Variants in SLCO6A1 observed in about 807,000 individuals in gnomAD.
SLCO6A1 encodes the protein solute carrier organic anion transporter family member 6A1.
In SLCO6A1, 65 loss-of-function variants were observed where a neutral mutation model predicts 72.7. That is an observed-to-expected ratio of 0.89 (90% CI 0.73 to 1.10). The LOEUF is 1.10. SLCO6A1 is among the 50% of genes least tolerant of loss of function. SLCO6A1 has a pLI of 0.00. For missense variants in SLCO6A1, 874 were observed against 872.6 expected (o/e 1.00, Z -0.02); for synonymous variants, 314 against 298.2 (o/e 1.05, Z -0.55).
intron 6 of SLCO6A1, among the ~76,000 whole-genome samples, chr5:102,444,538 A>G (rs1750007824): frequency 1.3e-5 from 2 of 152,214 alleles, no homozygotes; most frequent in South Asian, 4.1e-4. Context: ...AAAATAAGTA[A>G]TGGCTCATCA....
At chr5:102,383,114 T>TA (rs1269976560) in intron 12 of SLCO6A1, among the ~76,000 whole-genome samples, 1 of 61,846 alleles carries the variant, frequency 1.6e-5, no homozygotes, top group African/African-American at 5.8e-5. Context: ...ATATATAGTG[T>TA]TTTATATACA....
chr5:102,390,416 T>A (rs1161723043), intron 11 of SLCO6A1, among the ~76,000 whole-genome samples: 1 of 152,198 alleles, frequency 6.6e-6, no homozygotes, highest in Non-Finnish European at 1.5e-5. Context: ...TCTACATTTT[T>A]AAATTATATG....
Position 102,498,876 on chromosome 5 carries a change from C to T in SLCO6A1, c.-32G>A. The T allele has an allele frequency of 6.4e-7, 1 of 1,569,380 alleles. No individual in the cohort carries two copies. Among genetic ancestry groups the T allele is most frequent in the South Asian group, 1.1e-5 (1 of 87,398 alleles). ...CCCTGGGCGGCTCCTGGCGACGCGG[C>T]CCGAGTGCTCTCGGCTGCCCGTCCT... On this transcript the variant is annotated 5_prime_UTR_variant, in exon 1 of 14. Transcript: ENST00000506729.
At chr5:102,440,845 A>C (rs1749796092) in intron 6 of SLCO6A1, among the ~76,000 whole-genome samples, 1 of 152,246 alleles carries the variant, frequency 6.6e-6, no homozygotes, top group Non-Finnish European at 1.5e-5. Context: ...TAACAAGTAT[A>C]AAGTAGTACC....
At chr5:102,380,338 G>T (rs983714674) in intron 12 of SLCO6A1, among the ~76,000 whole-genome samples, 1 of 152,014 alleles carries the variant, frequency 6.6e-6, no homozygotes, top group Non-Finnish European at 1.5e-5. Flanking sequence ...TCCTTCATTT[G>T]AGGTAAAAGC....
At chr5:102,400,382 T>A (rs1747331288) in intron 9 of SLCO6A1, among the ~76,000 whole-genome samples, 1 of 151,974 alleles carries the variant, frequency 6.6e-6, no homozygotes, top group South Asian at 2.1e-4. Flanking sequence ...GTGGTGTAGA[T>A]AAAATAATTT....
intron 1 of SLCO6A1, among the ~76,000 whole-genome samples, chr5:102,481,703 G>T (rs1561497496): frequency 6.6e-6 from 1 of 152,128 alleles, no homozygotes; most frequent in East Asian, 1.9e-4. Flanking sequence ...TCATGCTTCT[G>T]CCTAATGTAT....
chr5:102,442,221 A>C (rs1749872869), intron 6 of SLCO6A1, among the ~76,000 whole-genome samples: 1 of 152,168 alleles, frequency 6.6e-6, no homozygotes, highest in Non-Finnish European at 1.5e-5. Context: ...ATATTACACT[A>C]GGCAGATTTC....
chr5:102,440,381 T>C (rs1327616708), intron 6 of SLCO6A1, among the ~76,000 whole-genome samples: 4 of 152,096 alleles, frequency 2.6e-5, no homozygotes, highest in Non-Finnish European at 5.9e-5. Flanking sequence ...GAACTGCACA[T>C]GTGAGGGATT....
chr5:102,438,583 A>C (rs775900674), intron 7 of SLCO6A1, 34 bp downstream of exon 7: 1 of 1,558,324 alleles, frequency 6.4e-7, no homozygotes, highest in Non-Finnish European at 8.6e-7. Context: ...GACAGTGCAA[A>C]ATTTTTGAAA....
intron 6 of SLCO6A1, among the ~76,000 whole-genome samples, chr5:102,444,022 G>A (rs1225013766): frequency 6.6e-6 from 1 of 152,110 alleles, no homozygotes; most frequent in Non-Finnish European, 1.5e-5. Context: ...CACACGAGAA[G>A]GGGTTCATTC....
chr5:102,449,925 C>A (rs1218918590), intron 6 of SLCO6A1, among the ~76,000 whole-genome samples: 1 of 152,076 alleles, frequency 6.6e-6, no homozygotes, highest in African/African-American at 2.4e-5. Flanking sequence ...TTTCCTCAAC[C>A]GATAATACTC....
intron 10 of SLCO6A1, among the ~76,000 whole-genome samples, chr5:102,392,566 A>G (rs1263168901): frequency 6.6e-6 from 1 of 152,116 alleles, no homozygotes; most frequent in African/African-American, 2.4e-5. Flanking sequence ...TCTTTCTAAC[A>G]TACAAAACAA....
chr5:102,417,220 A>C (rs941541208), intron 8 of SLCO6A1, among the ~76,000 whole-genome samples: 9 of 151,692 alleles, frequency 5.9e-5, no homozygotes, highest in Non-Finnish European at 8.8e-5. Flanking sequence ...TGCTTAATAT[A>C]CTACTATCTA....
chr5:102,375,000 C>G (rs997495359), intron 12 of SLCO6A1, among the ~76,000 whole-genome samples: 1 of 152,032 alleles, frequency 6.6e-6, no homozygotes. Flanking sequence ...GGTGATCCGA[C>G]TTTTGCAACA....
At chr5:102,374,458 C>A (rs116278366) in intron 12 of SLCO6A1, among the ~76,000 whole-genome samples, 2 of 152,114 alleles carry the variant, frequency 1.3e-5, no homozygotes, top group African/African-American at 2.4e-5. Context: ...TGACACCACA[C>A]CTGGCTAATT....
At chr5:102,378,258 T>C (rs1745917600) in intron 12 of SLCO6A1, among the ~76,000 whole-genome samples, 1 of 152,112 alleles carries the variant, frequency 6.6e-6, no homozygotes, top group Admixed American at 6.6e-5. Flanking sequence ...TTCATGTCCT[T>C]TGTAGGGACA....
In SLCO6A1 at chr5:102,495,668, C is replaced by T. The variant is rs1056107347; in HGVS notation, c.358+2819G>A. ...AATTGATTGCACTGTGGTTTCATGTCTGTACATATTTACTAAAACTCATTG... is the reference window on the plus strand; with the variant it reads ...AATTGATTGCACTGTGGTTTCATGTTTGTACATATTTACTAAAACTCATTG... On this transcript the variant is annotated intron_variant, in intron 1 of 13. Transcript: ENST00000506729. Among the ~76,000 whole-genome samples, 104 of 151,938 alleles carry T rather than the reference C, an allele frequency of 6.8e-4. 2 individuals are homozygous for T. The highest frequency in any genetic ancestry group is 8.8e-5 in the Non-Finnish European group (6 of 67,976).
chr5:102,480,072 G>T, intron 2 of SLCO6A1, 105 bp downstream of exon 2: 2 of 1,090,182 alleles, frequency 1.8e-6, no homozygotes, highest in Non-Finnish European at 1.3e-6. Context: ...TGGATGGATG[G>T]ATAGATATAC....
Sources: gnomAD v4.1 joint callset for allele counts (sites outside exome capture counted in the v4.1 genomes callset) on GRCh38, gnomAD v4.1.1 for gene constraint, MANE v1.5 for transcripts, NCBI Gene and HGNC (gene_info 2026-07-23, HGNC 2026-07-21) for gene names.